PLCG2: variants seen among roughly 807,000 people sequenced by gnomAD.
PLCG2 encodes 1-phosphatidylinositol 4,5-bisphosphate phosphodiesterase gamma-2.
In PLCG2, 69 loss-of-function variants were observed where a neutral mutation model predicts 175.6. The observed-to-expected ratio is 0.39, with a 90% CI of 0.32 to 0.48. The LOEUF (loss-of-function observed/expected upper bound fraction) is 0.48. Among genes scored for constraint, PLCG2 ranks in the 20% least tolerant of loss-of-function variants. The pLI is 0.91. For synonymous variants in PLCG2, 827 were observed against 624.0 expected (o/e 1.33, Z -4.85); for missense variants, 1,798 against 1,650.9 (o/e 1.09, Z -1.54).
intron 2 of PLCG2, among the ~76,000 whole-genome samples, chr16:81,761,325 G>A (rs975805603): frequency 7.2e-5 from 11 of 152,116 alleles, no homozygotes; most frequent in African/African-American, 1.9e-4. Flanking sequence ...TGGTCAAGCC[G>A]CTACACTCCA....
chr16:81,830,644 T>TGG (rs989460228), intron 2 of PLCG2, among the ~76,000 whole-genome samples: 2 of 120,704 alleles, frequency 1.7e-5, no homozygotes, highest in East Asian at 2.1e-4. Context: ...AAAAAATGTG[T>TGG]GGGGTGTGTG....
chr16:81,775,112 A>G (rs1910370702), upstream of PLCG2, among the ~76,000 whole-genome samples: 1 of 152,146 alleles, frequency 6.6e-6, no homozygotes, highest in Non-Finnish European at 1.5e-5. Context: ...ATGCATGTAA[A>G]GTGTACAGTA....
At chr16:81,837,017 G>A (rs771855101) in intron 2 of PLCG2, among the ~76,000 whole-genome samples, 1 of 152,184 alleles carries the variant, frequency 6.6e-6, no homozygotes, top group Non-Finnish European at 1.5e-5. Flanking sequence ...GAGGACCAGC[G>A]TTCTCCATGG....
chr16:81,837,339 C>T (rs1473199335), intron 2 of PLCG2, among the ~76,000 whole-genome samples: 1 of 152,232 alleles, frequency 6.6e-6, no homozygotes, highest in Non-Finnish European at 1.5e-5. Context: ...GCTTCTATAG[C>T]TGTGTGACCT....
chr16:81,874,957 T>G (rs949924355), intron 7 of PLCG2, among the ~76,000 whole-genome samples: 5 of 142,452 alleles, frequency 3.5e-5, no homozygotes, highest in Non-Finnish European at 4.6e-5. Flanking sequence ...TGTTTTTTTT[T>G]TTTTTTTTTT....
intron 2 of PLCG2, among the ~76,000 whole-genome samples, chr16:81,765,013 T>C (rs1045670876): frequency 2.9e-5 from 2 of 69,316 alleles, no homozygotes; most frequent in Non-Finnish European, 7.8e-5. Context: ...TGGTTTAGCC[T>C]AGAGGTGAAG....
At chr16:81,754,475 C>T (rs1247178050) in intron 1 of PLCG2, among the ~76,000 whole-genome samples, 1 of 63,408 alleles carries the variant, frequency 1.6e-5, no homozygotes, top group African/African-American at 6.7e-5. Flanking sequence ...TCCACCCCTC[C>T]TCACCTCATT....
intron 31 of PLCG2, among the ~76,000 whole-genome samples, chr16:81,948,267 A>T (rs538555654): frequency 6.6e-6 from 1 of 152,328 alleles, no homozygotes; most frequent in African/African-American, 2.4e-5. Flanking sequence ...CCATCTTGCC[A>T]TTAACTGGAA....
intron 14 of PLCG2, among the ~76,000 whole-genome samples, chr16:81,904,736 A>C (rs1053429141): frequency 6.6e-6 from 1 of 152,232 alleles, no homozygotes. Context: ...AACAGGAAGC[A>C]AAACAACATC....
intron 2 of PLCG2, among the ~76,000 whole-genome samples, chr16:81,851,513 G>A (rs1906409266): frequency 3.3e-5 from 5 of 152,012 alleles, no homozygotes; most frequent in Admixed American, 3.3e-4. Flanking sequence ...CCTTTTTGTT[G>A]TTGTTGTTGT....
At chr16:81,904,260 C>G in intron 14 of PLCG2, among the ~76,000 whole-genome samples, 1 of 152,228 alleles carries the variant, frequency 6.6e-6, no homozygotes, top group Non-Finnish European at 1.5e-5. Context: ...TGCCACGTCC[C>G]GATTTTACGA....
intron 9 of PLCG2, among the ~76,000 whole-genome samples, chr16:81,884,313 T>C (rs1908244549): frequency 6.6e-6 from 1 of 151,664 alleles, no homozygotes; most frequent in Non-Finnish European, 1.5e-5. Context: ...ATTGCGCCAC[T>C]GGACTGCAGC....
At chr16:81,897,270 T>C (rs1223908276) in intron 13 of PLCG2, among the ~76,000 whole-genome samples, 2 of 152,254 alleles carry the variant, frequency 1.3e-5, no homozygotes, top group Non-Finnish European at 2.9e-5. Flanking sequence ...TTTTATACTT[T>C]CTGGGGTAGA....
intron 2 of PLCG2, among the ~76,000 whole-genome samples, chr16:81,851,724 G>T (rs957021950): frequency 6.6e-6 from 1 of 152,206 alleles, no homozygotes; most frequent in African/African-American, 2.4e-5. Context: ...TGTTGGCCAG[G>T]CTGGTCTCGA....
intron 9 of PLCG2, 140 bp from the exon 10 acceptor site, chr16:81,889,032 C>T: frequency 3.3e-6 from 2 of 597,282 alleles, no homozygotes; most frequent in East Asian, 5.7e-5. Flanking sequence ...AATGAGGCCT[C>T]AACATGTGGT....
At chr16:81,866,644 G>A (rs528334804) in intron 5 of PLCG2, among the ~76,000 whole-genome samples, 8 of 112,180 alleles carry the variant, frequency 7.1e-5, no homozygotes, top group African/African-American at 2.2e-4. Flanking sequence ...CTTGCTCCCA[G>A]GATGAGCTCC....
intron 10 of PLCG2, among the ~76,000 whole-genome samples, chr16:81,890,165 G>A (rs1195892089): frequency 6.6e-6 from 1 of 152,166 alleles, no homozygotes; most frequent in Non-Finnish European, 1.5e-5. Flanking sequence ...GTTATCTGTA[G>A]GAGTAACTGA....
At chr16:81,908,643 G>A (rs1170481779) in intron 17 of PLCG2, 52 bp downstream of exon 17, 2 of 1,500,198 alleles carry the variant, frequency 1.3e-6, no homozygotes, top group African/African-American at 2.8e-5. Context: ...GCCAACCGAT[G>A]AGGCAGGGTG....
upstream of PLCG2, chr16:81,779,190 G>T: frequency 6.6e-6 from 1 of 152,230 alleles, no homozygotes; most frequent in South Asian, 2.0e-4. Context: ...CCGAGAGGCG[G>T]ACCCGGCTGG....
Sources: allele counts gnomAD v4.1 joint callset (sites outside exome capture counted in the v4.1 genomes callset), GRCh38; gene constraint gnomAD v4.1.1; transcripts MANE v1.5; gene names NCBI Gene and HGNC (gene_info 2026-07-23, HGNC 2026-07-21).